ACVR1C: variants seen among roughly 807,000 people sequenced by gnomAD.
ACVR1C encodes activin A receptor type 1C.
Under a neutral mutation model 57.9 loss-of-function variants are expected in ACVR1C, and 23 were observed. The observed-to-expected ratio is 0.40, with a 90% CI of 0.29 to 0.56. The LOEUF (loss-of-function observed/expected upper bound fraction) is 0.56, where lower values mean the gene tolerates loss of function less well. Ranked by LOEUF, ACVR1C falls within the 20% of genes least tolerant of loss-of-function variation. The pLI is 0.50. For missense variants in ACVR1C, 480 were observed against 607.9 expected (o/e 0.79, Z 2.21); for synonymous variants, 214 against 215.3 (o/e 0.99, Z 0.05).
chr2:157,561,336 G>T (rs1316080873), intron 2 of ACVR1C, among the ~76,000 whole-genome samples: 1 of 152,190 alleles, frequency 6.6e-6, no homozygotes, highest in Non-Finnish European at 1.5e-5. Flanking sequence ...TCCAGCTTGT[G>T]ACTTTGAAAT....
intron 8 of ACVR1C, 21 bp from the exon 9 acceptor site, chr2:157,534,064 A>G (rs1687423323): frequency 1.3e-6 from 2 of 1,509,864 alleles, no homozygotes; most frequent in Non-Finnish European, 1.8e-6. Context: ...GAAAAAAAAA[A>G]TCAAAGACTT....
chr2:157,580,044 C>T (rs941144400), intron 2 of ACVR1C, among the ~76,000 whole-genome samples: 1 of 151,768 alleles, frequency 6.6e-6, no homozygotes, highest in Non-Finnish European at 1.5e-5. Context: ...CCCCTCTCTT[C>T]CCCAACCCCC....
intron 3 of ACVR1C, among the ~76,000 whole-genome samples, chr2:157,551,235 C>A (rs1687916551): frequency 6.6e-6 from 1 of 152,170 alleles, no homozygotes; most frequent in Admixed American, 6.5e-5. Flanking sequence ...CCTGTCTGCG[C>A]TTCAGCTTCT....
intron 1 of ACVR1C, among the ~76,000 whole-genome samples, chr2:157,593,320 G>A (rs1268320701): frequency 6.6e-6 from 1 of 152,092 alleles, no homozygotes; most frequent in Non-Finnish European, 1.5e-5. Context: ...TAGGTGTTTT[G>A]AATTAGACAG....
chr2:157,561,535 T>G (rs1688229854), intron 2 of ACVR1C, among the ~76,000 whole-genome samples: 1 of 152,216 alleles, frequency 6.6e-6, no homozygotes, highest in African/African-American at 2.4e-5. Flanking sequence ...TTTATTTACT[T>G]CACAGGTTTC....
intron 1 of ACVR1C, among the ~76,000 whole-genome samples, chr2:157,615,866 A>G (rs768992011): frequency 2.0e-5 from 3 of 152,172 alleles, no homozygotes; most frequent in Non-Finnish European, 4.4e-5. Context: ...GTCTGCTGCA[A>G]TTCTTAACTT....
At chr2:157,588,820 A>T (rs1437458628) in intron 1 of ACVR1C, among the ~76,000 whole-genome samples, 2 of 142,158 alleles carry the variant, frequency 1.4e-5, no homozygotes, top group African/African-American at 2.5e-5. Context: ...TGCCACACAT[A>T]TATACACAAA....
At chr2:157,554,201 G>GAGAGAGAGAGAGAGAGAGAGAAAGAA (rs1553481316) in intron 3 of ACVR1C, among the ~76,000 whole-genome samples, 2 of 41,440 alleles carry the variant, frequency 4.8e-5, no homozygotes, top group African/African-American at 1.4e-4. Flanking sequence ...ATAAAGAAGA[G>GAGAGAGAGAGAGAGAGAGAGAAAGAA]AGAAAGAAAG....
rs138846721 is a variant in ACVR1C, at chr2:157,544,109, A to G, written c.943+336T>C. On this transcript the variant is annotated intron_variant, in intron 5 of 8. Coordinates refer to ENST00000243349, the MANE Select transcript of ACVR1C (RefSeq NM_145259.3). Reference sequence around the variant, plus strand: ...ACTAGAGTGCAGTGGTGCAATCGTAACTCACTGCAGCCTGGACCTTTCAGG... The same window carrying G: ...ACTAGAGTGCAGTGGTGCAATCGTAGCTCACTGCAGCCTGGACCTTTCAGG... Among the ~76,000 whole-genome samples, 593 of 148,962 alleles carry G rather than the reference A, an allele frequency of 4.0e-3. 3 individuals carry two copies. The highest frequency in any genetic ancestry group is 0.014 in the African/African-American group (552 of 40,398).
Position 157,597,531 on chromosome 2 carries a change from G to GCT in ACVR1C, c.74-10116_74-10115dup, listed in dbSNP as rs1233243256. The stretch of plus-strand genomic sequence containing the variant: ...CGGCCCCGACGACAGCTCCCGCGGG[G>GCT]CTCGGCCACCTGCCCGACGGCAGCG... On this transcript the variant is annotated intron_variant, in intron 1 of 8. Coordinates refer to ENST00000243349, the MANE Select transcript of ACVR1C (RefSeq NM_145259.3). 3.0e-6 allele frequency: 3 copies of GCT among 985,312 alleles called. No individual in the cohort carries two copies. The African/African-American group carries it at 5.2e-5, about 17-fold the overall frequency. The allele number at this position is 985,312 out of a possible 1,614,324, so 61.0% of individuals were successfully genotyped here.
chr2:157,600,734 T>C (rs997563927), intron 1 of ACVR1C, among the ~76,000 whole-genome samples: 1 of 152,096 alleles, frequency 6.6e-6, no homozygotes, highest in African/African-American at 2.4e-5. Flanking sequence ...AGTTCAGAGT[T>C]GAAAAGGGAA....
chr2:157,609,322 T>C (rs1431656525), intron 1 of ACVR1C, among the ~76,000 whole-genome samples: 1 of 152,020 alleles, frequency 6.6e-6, no homozygotes, highest in African/African-American at 2.4e-5. Context: ...TCTATTGTGG[T>C]CTGAGAAGAT....
rs1687259544 is a variant in ACVR1C at position 157,527,671 on chromosome 2, C to T, written c.*6247G>A. The T allele has an allele frequency of 6.6e-6, 1 of 151,966 alleles. No individual in the cohort carries two copies. Among genetic ancestry groups the T allele is most frequent in the Admixed American group, 6.6e-5 (1 of 15,254 alleles). 9.4% of individuals were successfully genotyped at this position (151,966 alleles called of 1,614,324 possible). On this transcript the variant is annotated 3_prime_UTR_variant, in exon 9 of 9. Transcript: ENST00000243349. ...TGACACTAGTCATTGCGGAAAAGAA[C>T]TAGAATTTAATATTTTGGCTCAGAT...
intron 1 of ACVR1C, among the ~76,000 whole-genome samples, chr2:157,622,094 C>T (rs1682788770): frequency 6.6e-6 from 1 of 152,080 alleles, no homozygotes; most frequent in African/African-American, 2.4e-5. Context: ...GAACATATCT[C>T]AATTTCTTAA....
Position 157,534,024 on chromosome 2 carries a change from C to T in ACVR1C, c.1376G>A (p.Arg459Lys). Residue 459 changes from arginine (R) to lysine (K), a missense_variant, in exon 9 of 9, where the codon AGA (arginine) becomes AAA (lysine). Coordinates refer to ENST00000243349, the MANE Select transcript of ACVR1C (RefSeq NM_145259.3). ...GGCATACCAACACTCACGCATTATT[C>T]TCCCCATGACTCGGAGTGCCTTTAA... ...QSCEALRVMG[R>K]IMRECWYANG... 6.4e-7 allele frequency: 1 copy of T among 1,574,276 alleles called. No homozygotes were observed. The highest frequency in any genetic ancestry group is 8.6e-7 in the Non-Finnish European group (1 of 1,164,380).
At chr2:157,596,288 T>C (rs765620981) in intron 1 of ACVR1C, among the ~76,000 whole-genome samples, 7 of 151,956 alleles carry the variant, frequency 4.6e-5, no homozygotes, top group Non-Finnish European at 1.0e-4. Context: ...CCCACTTTCA[T>C]ATTTATTTGC....
At chr2:157,601,282 T>C (rs1343603662) in intron 1 of ACVR1C, among the ~76,000 whole-genome samples, 1 of 150,844 alleles carries the variant, frequency 6.6e-6, no homozygotes, top group Admixed American at 6.6e-5. Context: ...GCACCACTGC[T>C]CTCCAGCCTG....
At chr2:157,617,533 A>T (rs938161849) in intron 1 of ACVR1C, among the ~76,000 whole-genome samples, 1 of 152,072 alleles carries the variant, frequency 6.6e-6, no homozygotes, top group African/African-American at 2.4e-5. Context: ...GCTCACTGTG[A>T]TGATGTTTAT....
At chr2:157,558,221 G>A (rs185704442) in intron 2 of ACVR1C, among the ~76,000 whole-genome samples, 24 of 152,278 alleles carry the variant, frequency 1.6e-4, no homozygotes, top group Admixed American at 1.6e-3. Context: ...TTCTTCACAG[G>A]ACAGAGAAAG....
Sources: gnomAD v4.1 joint callset for allele counts (sites outside exome capture counted in the v4.1 genomes callset) on GRCh38, gnomAD v4.1.1 for gene constraint, MANE v1.5 for transcripts, NCBI Gene and HGNC (gene_info 2026-07-23, HGNC 2026-07-21) for gene names.